Variants in ZBTB32 observed in about 807,000 individuals in gnomAD.
The protein encoded by ZBTB32 is zinc finger and BTB domain containing 32.
ZBTB32 carries 28 observed loss-of-function variants against 45.3 expected under a neutral mutation model. That is an observed-to-expected ratio of 0.62 (90% confidence interval 0.46 to 0.85). ZBTB32 has a LOEUF of 0.85. ZBTB32 is among the 40% of genes least tolerant of loss of function. ZBTB32 has a pLI of 0.00. For missense variants in ZBTB32, 587 were observed against 624.4 expected, an observed-to-expected ratio of 0.94 and a Z score of 0.64; for synonymous variants, 283 against 255.7, an observed-to-expected ratio of 1.11 and a Z score of -1.02.
chr19:35,715,341 C>T lies in ZBTB32; in HGVS notation c.715C>T (p.Leu239=). 1 of 1,607,884 alleles carries T rather than the reference C, an allele frequency of 6.2e-7. No individual in the cohort carries two copies. ...LPGPLPPAGS[L]QTSVTPRPSW... ...TGGCCCCCTTCCCCCAGCAGGCTCCCTGCAAACCAGCGTCACCCCTAGGCC... is the reference window on the plus strand; with the variant it reads ...TGGCCCCCTTCCCCCAGCAGGCTCCTTGCAAACCAGCGTCACCCCTAGGCC... The change falls in exon 3 of 7, where the codon CTG becomes TTG. Residue 239 remains leucine, a synonymous_variant. Coordinates refer to ENST00000392197, the MANE Select transcript of ZBTB32 (RefSeq NM_014383.3).
chr19:35,708,088 G>A (rs1968593982), intron 1 of ZBTB32, among the ~76,000 whole-genome samples: 1 of 152,186 alleles, frequency 6.6e-6, no homozygotes, highest in African/African-American at 2.4e-5. Flanking sequence ...TATTTATGGG[G>A]CCTGGGCAAG....
Position 35,716,480 on chromosome 19 carries a change from G to A in ZBTB32, c.1192G>A (p.Glu398Lys). 1 of 1,604,702 alleles carries A rather than the reference G, an allele frequency of 6.2e-7. No individual in the cohort carries two copies. The highest frequency in any genetic ancestry group is 8.5e-7 in the Non-Finnish European group (1 of 1,173,662). ...METHYRVHTGEKPFSCSLCPQ... is the reference protein window; with the variant it reads ...METHYRVHTGKKPFSCSLCPQ... Reference sequence around the variant, plus strand: ...GCCTCCCCTTCCGACCGCTCTAGGAGAGAAGCCCTTCTCCTGTAGCCTTTG... The same window carrying A: ...GCCTCCCCTTCCGACCGCTCTAGGAAAGAAGCCCTTCTCCTGTAGCCTTTG... Residue 398 changes from glutamate to lysine, a missense_variant and splice_region_variant, in exon 7 of 7, where the codon GAG becomes AAG. By Grantham distance (56) the Glu-to-Lys change is moderately conservative. Coordinates refer to ENST00000392197, the MANE Select transcript of ZBTB32 (RefSeq NM_014383.3).
intron 1 of ZBTB32, among the ~76,000 whole-genome samples, chr19:35,706,559 T>C (rs1968549102): frequency 6.6e-6 from 1 of 151,826 alleles, no homozygotes; most frequent in African/African-American, 2.4e-5. Flanking sequence ...CCATCTCTAC[T>C]AAAAATGCAA....
At chr19:35,710,734 C>G (rs1216486656) in intron 1 of ZBTB32, among the ~76,000 whole-genome samples, 1 of 152,174 alleles carries the variant, frequency 6.6e-6, no homozygotes, top group Non-Finnish European at 1.5e-5. Flanking sequence ...GCTTGGGTGA[C>G]AGAACAAGAC....
chr19:35,716,633 G>A lies in ZBTB32; in HGVS notation c.1345G>A (p.Gly449Ser), dbSNP rs945667437. The A allele has an allele frequency of 1.2e-6, 2 of 1,613,522 alleles. No homozygotes were observed. The highest frequency in any genetic ancestry group is 1.1e-5 in the South Asian group (1 of 91,092). ...GGCCTCCATGCAGGCGCACATGCGCGGTCACTCGCCCAGCCAACTCCCGCC... is the reference window on the plus strand; with the variant it reads ...GGCCTCCATGCAGGCGCACATGCGCAGTCACTCGCCCAGCCAACTCCCGCC... ...SLASMQAHMR[G>S]HSPSQLPPGW... The change falls in exon 7 of 7, where the codon GGT (glycine) becomes AGT (serine). Residue 449 changes from glycine to serine, a missense_variant. Physicochemically the swap from Gly to Ser is moderately conservative, Grantham distance 56. Transcript: ENST00000392197.
At chr19:35,710,014 A>C (rs1285331820) in intron 1 of ZBTB32, among the ~76,000 whole-genome samples, 1 of 152,224 alleles carries the variant, frequency 6.6e-6, no homozygotes, top group East Asian at 1.9e-4. Flanking sequence ...ATTTGAGACC[A>C]GCCTGGCCAA....
At chr19:35,712,259 C>G (rs1193113790) in intron 1 of ZBTB32, among the ~76,000 whole-genome samples, 1 of 152,064 alleles carries the variant, frequency 6.6e-6, no homozygotes, top group Non-Finnish European at 1.5e-5. Flanking sequence ...CCCAAGAGTT[C>G]AAGACCAGCC....
chr19:35,710,709 C>T (rs1968666792), intron 1 of ZBTB32, among the ~76,000 whole-genome samples: 1 of 152,116 alleles, frequency 6.6e-6, no homozygotes, highest in Non-Finnish European at 1.5e-5. Flanking sequence ...GCCGAGATGG[C>T]GCCACTGCAC....
Position 35,716,478 on chromosome 19 carries a change from G to A in ZBTB32, c.1190G>A (p.Gly397Glu). The A allele has an allele frequency of 6.2e-7, 1 of 1,604,266 alleles. No homozygotes were observed. The highest frequency in any genetic ancestry group is 2.2e-5 in the East Asian group (1 of 44,600). ...CGGCCTCCCCTTCCGACCGCTCTAGGAGAGAAGCCCTTCTCCTGTAGCCTT... is the reference window on the plus strand; with the variant it reads ...CGGCCTCCCCTTCCGACCGCTCTAGAAGAGAAGCCCTTCTCCTGTAGCCTT... ...QMETHYRVHT[G>E]EKPFSCSLCP... Residue 397 changes from glycine to glutamate, a missense_variant and splice_region_variant, in exon 7 of 7, where the codon GGA becomes GAA. Gly to Glu is a moderately conservative substitution (Grantham distance 98). Coordinates refer to ENST00000392197, the MANE Select transcript of ZBTB32 (RefSeq NM_014383.3).
Position 35,714,858 on chromosome 19 carries a change from G to C in ZBTB32, c.232G>C (p.Val78Leu). The change falls in exon 3 of 7, where the codon GTG becomes CTG. Residue 78 changes from valine (V) to leucine (L), a missense_variant. Physicochemically the swap from Val to Leu is conservative, Grantham distance 32. Coordinates refer to ENST00000392197, the MANE Select transcript of ZBTB32 (RefSeq NM_014383.3). ...PSTFAQLLNF[V>L]YGESVELQPG... Reference sequence around the variant, plus strand: ...TACCTTTGCCCAGCTCCTGAACTTTGTGTATGGGGAGAGTGTAGAGCTGCA... The same window carrying C: ...TACCTTTGCCCAGCTCCTGAACTTTCTGTATGGGGAGAGTGTAGAGCTGCA... 6.2e-7 allele frequency: 1 copy of C among 1,610,612 alleles called. No homozygotes were observed. Among genetic ancestry groups the C allele is most frequent in the Non-Finnish European group, 8.5e-7 (1 of 1,178,060 alleles).
At chr19:35,706,292 T>C (rs1263286384) in intron 1 of ZBTB32, among the ~76,000 whole-genome samples, 1 of 151,998 alleles carries the variant, frequency 6.6e-6, no homozygotes, top group Non-Finnish European at 1.5e-5. Flanking sequence ...TGTCCCACTC[T>C]TTCCCATGCC....
At chr19:35,711,917 C>T (rs553611157) in intron 1 of ZBTB32, among the ~76,000 whole-genome samples, 14 of 145,458 alleles carry the variant, frequency 9.6e-5, no homozygotes, top group Non-Finnish European at 1.8e-4. Flanking sequence ...CCCAGCTACT[C>T]GGGAGGCTGA....
At chr19:35,707,195 TAAA>T (rs537947581) in intron 1 of ZBTB32, among the ~76,000 whole-genome samples, 359 of 105,918 alleles carry the variant, frequency 3.4e-3, no homozygotes, top group African/African-American at 3.2e-3. Context: ...ACTGTGTCTC[TAAA>T]AAAAAAAAAA....
chr19:35,711,572 G>A (rs1483846232), intron 1 of ZBTB32, among the ~76,000 whole-genome samples: 1 of 152,146 alleles, frequency 6.6e-6, no homozygotes, highest in Non-Finnish European at 1.5e-5. Context: ...ATCTAGGAAG[G>A]GTTAACATGT....
In ZBTB32 at chr19:35,715,250, G is replaced by C; in HGVS notation, c.624G>C (p.Lys208Asn). 6.3e-7 allele frequency: 1 copy of C among 1,596,604 alleles called. No individual in the cohort carries two copies. The highest frequency in any genetic ancestry group is 8.5e-7 in the Non-Finnish European group (1 of 1,173,378). Residue 208 changes from lysine to asparagine, a missense_variant, in exon 3 of 7, where the codon AAG becomes AAC. Transcript: ENST00000392197. ...TTGGCCAAAGGGGAGCAGATGGGAAGCATGGAGTGCTCACGTGGTTGAGGG... is the reference window on the plus strand; with the variant it reads ...TTGGCCAAAGGGGAGCAGATGGGAACCATGGAGTGCTCACGTGGTTGAGGG... ...APVGQRGADGKHGVLTWLREN... is the reference protein window; with the variant it reads ...APVGQRGADGNHGVLTWLREN...
At position 35,715,744 on chromosome 19, in the gene ZBTB32, C is replaced by T. The variant is rs1418174694; in HGVS notation, c.882-13C>T. 1.3e-6 allele frequency: 2 copies of T among 1,596,320 alleles called. No individual in the cohort carries two copies. Among genetic ancestry groups the T allele is most frequent in the Non-Finnish European group, 1.7e-6 (2 of 1,170,052 alleles). ...TTTAGCCAAGGCTGTAACTCTTCCC[C>T]ACCCCATCCCAGGATCCCACTGTCC... On this transcript the variant is annotated splice_polypyrimidine_tract_variant and intron_variant, in intron 3 of 6. Coordinates refer to ENST00000392197, the MANE Select transcript of ZBTB32 (RefSeq NM_014383.3).
chr19:35,715,747 C>A lies in ZBTB32; in HGVS notation c.882-10C>A. The A allele has an allele frequency of 1.2e-6, 2 of 1,602,794 alleles. No individual in the cohort carries two copies. Among genetic ancestry groups the A allele is most frequent in the Non-Finnish European group, 1.7e-6 (2 of 1,173,076 alleles). On this transcript the variant is annotated splice_polypyrimidine_tract_variant and intron_variant, in intron 3 of 6. Coordinates refer to ENST00000392197, the MANE Select transcript of ZBTB32 (RefSeq NM_014383.3). ...AGCCAAGGCTGTAACTCTTCCCCACCCCATCCCAGGATCCCACTGTCCCTA... is the reference window on the plus strand; with the variant it reads ...AGCCAAGGCTGTAACTCTTCCCCACACCATCCCAGGATCCCACTGTCCCTA...
At chr19:35,704,712 T>A (rs958633400) in intron 1 of ZBTB32, 89 bp downstream of exon 1, 4 of 152,292 alleles carry the variant, frequency 2.6e-5, no homozygotes, top group African/African-American at 9.6e-5. Flanking sequence ...CTGGACCTCG[T>A]TGATGATTGG....
rs1410194923 is a variant in ZBTB32 at position 35,715,945 on chromosome 19, T to TC, written c.967dup (p.Gln323ProfsTer15). 14 of 1,612,770 alleles carry TC rather than the reference T, an allele frequency of 8.7e-6. No individual in the cohort carries two copies. The highest frequency in any genetic ancestry group is 1.2e-5 in the Non-Finnish European group (14 of 1,179,524). ...CTCCCACTGTTCCTTCCAGGTTCCC[T>TC]CCCCCAGGGCCCCGCACAGCTCAGC... On this transcript the variant is annotated frameshift_variant, in exon 5 of 7. Transcript: ENST00000392197. LOFTEE classifies it high-confidence loss of function.
Sources: gnomAD v4.1 joint callset for allele counts (sites outside exome capture counted in the v4.1 genomes callset) on GRCh38, gnomAD v4.1.1 for gene constraint, MANE v1.5 for transcripts, NCBI Gene and HGNC (gene_info 2026-07-23, HGNC 2026-07-21) for gene names.